Variants in DDX60L observed in about 807,000 individuals in gnomAD.
DDX60L encodes DExD/H-box 60 like.
In DDX60L, 191 loss-of-function variants were observed where a neutral mutation model predicts 211.6. The ratio of observed to expected loss-of-function variants is 0.90; its 90% confidence interval spans 0.80 to 1.02. The LOEUF is 1.02. Among genes scored for constraint, DDX60L ranks in the 50% least tolerant of loss-of-function variants. DDX60L has a pLI of 0.00. For synonymous variants in DDX60L, 706 were observed against 694.1 expected (o/e 1.02, Z -0.27); for missense variants, 2,007 against 1,984.1 (o/e 1.01, Z -0.22).
chr4:168,417,528 T>C (rs931259817), intron 19 of DDX60L, among the ~76,000 whole-genome samples: 1 of 152,232 alleles, frequency 6.6e-6, no homozygotes, highest in African/African-American at 2.4e-5. Flanking sequence ...AAAGTTGTTG[T>C]TCTTACTTCC....
chr4:168,423,635 A>T lies in DDX60L; in HGVS notation c.2070T>A (p.Asp690Glu). 1 of 1,585,628 alleles carries T rather than the reference A, an allele frequency of 6.3e-7. No individual in the cohort carries two copies. Among genetic ancestry groups the T allele is most frequent in the Non-Finnish European group, 8.6e-7 (1 of 1,167,452 alleles). Residue 690 changes from aspartate (D) to glutamate (E), a missense_variant, in exon 15 of 38, where the codon GAT becomes GAA. Physicochemically the swap from Asp to Glu is conservative, Grantham distance 45. Coordinates refer to ENST00000682922, the MANE Select transcript of DDX60L (RefSeq NM_001012967.3). ...GAGTTGGATCCAAAGAGTTTGCCAG[A>T]TCATTAAAGCCTAAATATTTAAGGC... ...AKCLKYLGFN[D>E]LANSLDPTLI...
At chr4:168,371,568 T>C (rs1741020110) in intron 36 of DDX60L, 44 bp downstream of exon 36, 1 of 1,151,370 alleles carries the variant, frequency 8.7e-7, no homozygotes, top group Non-Finnish European at 1.2e-6. Context: ...AACATAGATA[T>C]ATATGTATGT....
chr4:168,379,619 T>C, intron 31 of DDX60L, 107 bp downstream of exon 31: 1 of 1,167,816 alleles, frequency 8.6e-7, no homozygotes, highest in Admixed American at 2.8e-5. Context: ...AAATGATAAG[T>C]AACATTATCA....
In DDX60L at chr4:168,357,881, C is replaced by T; in HGVS notation, c.*266G>A. Reference sequence around the variant, plus strand: ...CATTAAGTCACCACCCAATCCCAATCACTTTTCTTACATTATCTCATTTAA... The same window carrying T: ...CATTAAGTCACCACCCAATCCCAATTACTTTTCTTACATTATCTCATTTAA... On this transcript the variant is annotated 3_prime_UTR_variant, in exon 38 of 38. Coordinates refer to ENST00000682922, the MANE Select transcript of DDX60L (RefSeq NM_001012967.3). 3.5e-6 allele frequency: 1 copy of T among 287,464 alleles called. No homozygotes were observed. Among genetic ancestry groups the T allele is most frequent in the Non-Finnish European group, 6.5e-6 (1 of 155,008 alleles). 17.8% of individuals were successfully genotyped at this position (287,464 alleles called of 1,614,324 possible). A position where few individuals can be genotyped will look rare whatever the true frequency, so the allele number is the denominator to read the frequency against.
At chr4:168,442,143 C>A (rs557480851) in intron 9 of DDX60L, among the ~76,000 whole-genome samples, 1 of 152,002 alleles carries the variant, frequency 6.6e-6, no homozygotes. Context: ...TCAGTGGGTG[C>A]GCGCACCGTG....
intron 1 of DDX60L, among the ~76,000 whole-genome samples, chr4:168,478,339 T>C (rs879586856): frequency 9.9e-5 from 15 of 152,198 alleles, no homozygotes; most frequent in Non-Finnish European, 2.1e-4. Context: ...AGACAGATTA[T>C]GCTAATTTGA....
rs763897101 is a variant in DDX60L, at chr4:168,423,741, T to A, written c.1964A>T (p.Gln655Leu). ...KISKDLSIAV[Q>L]MMKRIHSLLE... ...GAGTGAATGAATCCTTTTCATCATT[T>A]GAACAGCTATACTTAAATCTTTCGA... Residue 655 changes from glutamine (Q) to leucine (L), a missense_variant, in exon 15 of 38, where the codon CAA becomes CTA. By Grantham distance (113) the Gln-to-Leu change is moderately radical. Coordinates refer to ENST00000682922, the MANE Select transcript of DDX60L (RefSeq NM_001012967.3). 2 of 1,600,360 alleles carry A rather than the reference T, an allele frequency of 1.2e-6. No homozygotes were observed. The highest frequency in any genetic ancestry group is 1.3e-5 in the African/African-American group (1 of 74,322).
intron 35 of DDX60L, 150 bp downstream of exon 35, chr4:168,373,516 C>A (rs961428724): frequency 2.6e-6 from 2 of 761,588 alleles, no homozygotes; most frequent in African/African-American, 3.5e-5. Flanking sequence ...ATCACACTGG[C>A]CTCCAGGGCT....
chr4:168,462,089 C>T (rs1352629568), intron 4 of DDX60L, 49 bp from the exon 5 acceptor site: 1 of 1,352,718 alleles, frequency 7.4e-7, no homozygotes, highest in Admixed American at 2.3e-5. Flanking sequence ...TCTTCCTTTA[C>T]TTATTTGTTA....
chr4:168,408,250 G>A (rs759000240), intron 22 of DDX60L, among the ~76,000 whole-genome samples: 2 of 152,084 alleles, frequency 1.3e-5, no homozygotes, highest in African/African-American at 2.4e-5. Flanking sequence ...TTGGTTTCCC[G>A]TCTCTAAAAT....
At chr4:168,402,023 T>C (rs10012199) in intron 25 of DDX60L, among the ~76,000 whole-genome samples, 7,482 of 151,968 alleles carry the variant, frequency 0.049, 595 homozygotes, top group African/African-American at 0.16. Context: ...GATGAAGAAG[T>C]AAATGCCAAA....
chr4:168,407,778 G>C (rs531932481), intron 22 of DDX60L, among the ~76,000 whole-genome samples: 1 of 152,176 alleles, frequency 6.6e-6, no homozygotes, highest in African/African-American at 2.4e-5. Flanking sequence ...GGACTGTACC[G>C]CACAGCTGGG....
rs574519968 is a variant in DDX60L at position 168,415,461 on chromosome 4, C to A, written c.2926G>T (p.Asp976Tyr). Residue 976 changes from aspartate to tyrosine, a missense_variant, in exon 22 of 38, where the codon GAT (aspartate) becomes TAT (tyrosine). Transcript: ENST00000682922. ...TGAAAATGATCAAAATAAACATCAT[C>A]ATGTTTTACTGAACATATATGCTTC... ...LEKHICSVKH[D>Y]DVYFDHFHPC... 6 of 1,607,408 alleles carry A rather than the reference C, an allele frequency of 3.7e-6. No individual in the cohort carries two copies. In the Admixed American group the frequency reaches 8.4e-5, roughly 23 times the overall value.
At chr4:168,469,971 A>G (rs1758530065) in intron 4 of DDX60L, 1 of 152,230 alleles carries the variant, frequency 6.6e-6, no homozygotes, top group Non-Finnish European at 1.5e-5. Flanking sequence ...AACTACTACA[A>G]CTCAATATTA....
chr4:168,432,564 A>G lies in DDX60L; in HGVS notation c.1407T>C (p.Asp469=). ...GTTTAAACAGTGAAGGAACAACCGG[A>G]TCATCACTGTAAAAATAAATACATA... ...MKDLPILKSD[D]PVVPSLFKQK... Residue 469 remains aspartate, a synonymous_variant, in exon 12 of 38, where the codon GAT becomes GAC. Transcript: ENST00000682922. The G allele has an allele frequency of 6.4e-7, 1 of 1,555,688 alleles. No individual in the cohort carries two copies. The highest frequency in any genetic ancestry group is 1.2e-5 in the South Asian group (1 of 81,308).
At chr4:168,391,405 A>C in intron 29 of DDX60L, 135 bp downstream of exon 29, 1 of 620,096 alleles carries the variant, frequency 1.6e-6, no homozygotes, top group Non-Finnish European at 2.9e-6. Context: ...AGGCCACTCA[A>C]CTCAAAAATG....
Position 168,400,875 on chromosome 4 carries a change from AGACATAACTATGACATTCAGTGTGGG to A in DDX60L, c.3416_3441del (p.Pro1139LeufsTer5). The stretch of plus-strand genomic sequence containing the variant: ...TTTTCAAGTACTTCATCTATTGCAA[AGACATAACTATGACATTCAGTGTGGG>A]GATGGCTTTTTGTCTCTGTCTTCTC... On this transcript the variant is annotated frameshift_variant, in exon 26 of 38. Transcript: ENST00000682922. LOFTEE classifies it high-confidence loss of function. 1 of 1,613,624 alleles carries A rather than the reference AGACATAACTATGACATTCAGTGTGGG, an allele frequency of 6.2e-7. No homozygotes were observed. Among genetic ancestry groups the A allele is most frequent in the South Asian group, 1.1e-5 (1 of 91,024 alleles).
chr4:168,424,453 A>T (rs911911358), intron 14 of DDX60L, among the ~76,000 whole-genome samples: 1 of 152,216 alleles, frequency 6.6e-6, no homozygotes, highest in African/African-American at 2.4e-5. Context: ...TTTCTTAACA[A>T]ATACTACTGA....
Position 168,404,878 on chromosome 4 carries a change from T to C in DDX60L, c.3214-772A>G, listed in dbSNP as rs1299059138. Among the ~76,000 whole-genome samples, 5 of 152,354 alleles carry C rather than the reference T, an allele frequency of 3.3e-5. No homozygotes were observed. In the East Asian group the frequency reaches 9.6e-4, roughly 29 times the overall value. ...TTTTCTTGACAAAGTTATTTTCCAG[T>C]TTAATTATCATTTGAGGGGTGGCAA... On this transcript the variant is annotated intron_variant, in intron 24 of 37. Coordinates refer to ENST00000682922, the MANE Select transcript of DDX60L (RefSeq NM_001012967.3).
Sources: allele counts gnomAD v4.1 joint callset (sites outside exome capture counted in the v4.1 genomes callset), GRCh38; gene constraint gnomAD v4.1.1; transcripts MANE v1.5; gene names NCBI Gene and HGNC (gene_info 2026-07-23, HGNC 2026-07-21).